TIAM2: variants seen among roughly 807,000 people sequenced by gnomAD.
TIAM2 encodes rho guanine nucleotide exchange factor TIAM2.
A neutral mutation model predicts 152.9 loss-of-function variants in TIAM2; 80 were observed. The ratio of observed to expected loss-of-function variants is 0.52; its 90% CI spans 0.44 to 0.63. The LOEUF is 0.63. Ranked by LOEUF, TIAM2 falls within the 30% of genes least tolerant of loss-of-function variation. The pLI is 0.00. For missense variants in TIAM2, 1,965 were observed against 2,120.1 expected (o/e 0.93, Z 1.44); for synonymous variants, 804 against 838.0 (o/e 0.96, Z 0.70).
At chr6:155,051,500 C>T (rs908041348) in intron 1 of TIAM2, among the ~76,000 whole-genome samples, 6 of 152,138 alleles carry the variant, frequency 3.9e-5, no homozygotes, top group African/African-American at 1.2e-4. Context: ...GGTAAAAATG[C>T]ACTGTTAATA....
intron 5 of TIAM2, among the ~76,000 whole-genome samples, chr6:155,142,800 T>C (rs1779739893): frequency 6.6e-6 from 1 of 152,222 alleles, no homozygotes; most frequent in South Asian, 2.1e-4. Context: ...ATGCGCAGTT[T>C]CTTGAGATCA....
intron 1 of TIAM2, among the ~76,000 whole-genome samples, chr6:155,016,891 C>T (rs569475863): frequency 4.6e-5 from 7 of 152,272 alleles, no homozygotes; most frequent in African/African-American, 1.4e-4. Context: ...TAGAGCGAGA[C>T]TCCATCTCAA....
chr6:155,147,832 CTGT>C (rs1288572718), intron 6 of TIAM2, among the ~76,000 whole-genome samples: 1 of 152,156 alleles, frequency 6.6e-6, no homozygotes, highest in East Asian at 1.9e-4. Context: ...TGTGTCTCCC[CTGT>C]TGTTCTTATC....
intron 2 of TIAM2, among the ~76,000 whole-genome samples, chr6:155,098,307 G>A (rs1778465667): frequency 6.6e-6 from 1 of 152,082 alleles, no homozygotes; most frequent in Non-Finnish European, 1.5e-5. Context: ...CAAGCCGTGA[G>A]CATGGAATAT....
chr6:155,224,837 G>A (rs1267363227), intron 15 of TIAM2, among the ~76,000 whole-genome samples: 1 of 152,238 alleles, frequency 6.6e-6, no homozygotes, highest in Non-Finnish European at 1.5e-5. Context: ...CCTGGCATCT[G>A]CACAGCGGGG....
intron 1 of TIAM2, among the ~76,000 whole-genome samples, chr6:155,007,039 T>C (rs1050207197): frequency 6.6e-6 from 1 of 152,236 alleles, no homozygotes; most frequent in East Asian, 1.9e-4. Context: ...TTGCTCAGGC[T>C]GGTCTACTAG....
At chr6:155,196,108 G>A (rs888524446) in intron 14 of TIAM2, among the ~76,000 whole-genome samples, 1 of 152,304 alleles carries the variant, frequency 6.6e-6, no homozygotes, top group South Asian at 2.1e-4. Context: ...AGGCTTTGCC[G>A]TCACCCAGGC....
intron 1 of TIAM2, among the ~76,000 whole-genome samples, chr6:155,065,503 C>T (rs1166315782): frequency 2.0e-5 from 3 of 151,842 alleles, no homozygotes; most frequent in East Asian, 1.9e-4. Flanking sequence ...TTAGGTCCAG[C>T]GCAGTGGCTC....
rs1404704357 is a variant in TIAM2 at position 155,213,646 on chromosome 6, C to G, written c.3168+2339C>G. On this transcript the variant is annotated intron_variant, in intron 15 of 26. Transcript: ENST00000682666. This position sits in a 1 kb window ranked among gnomAD's most constrained non-coding sequence, Gnocchi z 4.2. The stretch of plus-strand genomic sequence containing the variant: ...CTTGAAAGTGGGGCTTTTCTGGGGA[C>G]CCACTCCTTTCCACCCAGGAGCCTG... Among the ~76,000 whole-genome samples, 1 of 152,190 alleles carries G rather than the reference C, an allele frequency of 6.6e-6. No individual in the cohort carries two copies. Among genetic ancestry groups the G allele is most frequent in the Non-Finnish European group, 1.5e-5 (1 of 68,038 alleles).
chr6:155,195,914 A>G (rs12524903), intron 14 of TIAM2, among the ~76,000 whole-genome samples: 30,339 of 152,192 alleles, frequency 0.2, 4,801 homozygotes, highest in African/African-American at 0.39. Context: ...GGTGAGGCCC[A>G]GAGGAAGTGT....
At chr6:155,212,998 C>T (rs569241724) in intron 15 of TIAM2, among the ~76,000 whole-genome samples, 9 of 152,274 alleles carry the variant, frequency 5.9e-5, no homozygotes, top group East Asian at 1.9e-4. Context: ...TGCCAGGAAC[C>T]GCTGAGCCCC....
At chr6:155,187,770 G>A (rs1311733120) in intron 14 of TIAM2, among the ~76,000 whole-genome samples, 2 of 151,882 alleles carry the variant, frequency 1.3e-5, no homozygotes, top group African/African-American at 2.4e-5. Context: ...TAGAGACAAG[G>A]TTTCTCCATG....
intron 1 of TIAM2, among the ~76,000 whole-genome samples, chr6:155,029,763 A>G (rs1229251804): frequency 8.8e-6 from 1 of 113,186 alleles, no homozygotes; most frequent in African/African-American, 3.2e-5. Context: ...TATATGTAGA[A>G]AAAAACCTAA....
chr6:155,183,111 G>T, intron 13 of TIAM2, 126 bp from the exon 14 acceptor site: 1 of 1,267,838 alleles, frequency 7.9e-7, no homozygotes, highest in Non-Finnish European at 1.1e-6. Flanking sequence ...CACTTTCTTT[G>T]AAGAAAGCAA....
At chr6:155,076,742 G>A (rs1777968639) in intron 1 of TIAM2, among the ~76,000 whole-genome samples, 1 of 152,088 alleles carries the variant, frequency 6.6e-6, no homozygotes, top group South Asian at 2.1e-4. Context: ...GGCTGACAGT[G>A]CAGTGCAGTG....
chr6:155,071,382 G>A (rs1481105500), intron 1 of TIAM2, among the ~76,000 whole-genome samples: 2 of 152,150 alleles, frequency 1.3e-5, no homozygotes, highest in East Asian at 1.9e-4. Flanking sequence ...CTTATTAAAC[G>A]TTAAGATGAC....
At chr6:155,182,155 C>A in intron 12 of TIAM2, 71 bp from the exon 13 acceptor site, 1 of 1,239,332 alleles carries the variant, frequency 8.1e-7, no homozygotes, top group Non-Finnish European at 1.2e-6. Context: ...CAAGGAGATA[C>A]TGCCGGTGTG....
chr6:155,206,175 G>A (rs1263905283), intron 14 of TIAM2, among the ~76,000 whole-genome samples: 1 of 152,212 alleles, frequency 6.6e-6, no homozygotes, highest in Non-Finnish European at 1.5e-5. Flanking sequence ...AGGAGCTATA[G>A]GCTGTGCGGA....
chr6:155,007,644 T>G (rs1778423283), intron 1 of TIAM2, among the ~76,000 whole-genome samples: 1 of 152,220 alleles, frequency 6.6e-6, no homozygotes, highest in African/African-American at 2.4e-5. Context: ...AGAAAGCATT[T>G]CTGTCTCTTC....
Sources: gnomAD v4.1 joint callset for allele counts (sites outside exome capture counted in the v4.1 genomes callset) on GRCh38, gnomAD v4.1.1 for gene constraint, Gnocchi (gnomAD v3.1) non-coding constraint, MANE v1.5 for transcripts, NCBI Gene and HGNC (gene_info 2026-07-23, HGNC 2026-07-21) for gene names.